Variants in ZNF462 observed in about 807,000 individuals in gnomAD.
ZNF462 encodes the protein zinc finger protein 462.
Under a neutral mutation model 201.9 loss-of-function variants are expected in ZNF462, and 10 were observed. The observed-to-expected ratio is 0.05, with a 90% CI of 0.03 to 0.08. The LOEUF is 0.08. ZNF462 is among the 10% of genes least tolerant of loss of function. The pLI is 1.00. For missense variants in ZNF462, 2,523 were observed against 3,168.3 expected (o/e 0.80, Z 4.89); for synonymous variants, 1,227 against 1,193.3 (o/e 1.03, Z -0.58).
At position 106,972,973 on chromosome 9, in the gene ZNF462, C is replaced by T. The variant is rs373283483; in HGVS notation, c.6695+701C>T. Among the ~76,000 whole-genome samples, 59 of 152,134 alleles carry T rather than the reference C, an allele frequency of 3.9e-4. No individual in the cohort carries two copies. In the East Asian group the frequency reaches 4.9e-3, roughly 13 times the overall value. ...AGTGTAGAGTGTGGAGCCTGACTAC[C>T]TGGGTGATTCTGGACAAGTCACTAA... On this transcript the variant is annotated intron_variant, in intron 8 of 12. Transcript: ENST00000277225. This position sits in a 1 kb window ranked among gnomAD's most constrained non-coding sequence, Gnocchi z 4.8.
chr9:106,869,438 G>A (rs1827491592), intron 1 of ZNF462, among the ~76,000 whole-genome samples: 1 of 152,202 alleles, frequency 6.6e-6, no homozygotes, highest in South Asian at 2.1e-4. Context: ...GTAAGGAAGG[G>A]TGCAATGGGT....
intron 10 of ZNF462, among the ~76,000 whole-genome samples, chr9:106,991,151 G>A (rs533739987): frequency 7.2e-4 from 109 of 151,980 alleles, no homozygotes; most frequent in Middle Eastern, 3.4e-3. Flanking sequence ...TTTTTATAGG[G>A]AGAAAATCCG....
rs1388998175 is a variant in ZNF462, at chr9:106,919,167, A to G, written c.-30-4187A>G. Among the ~76,000 whole-genome samples the G allele has an allele frequency of 2.0e-5, 3 of 152,204 alleles. No homozygotes were observed. The highest frequency in any genetic ancestry group is 7.2e-5 in the African/African-American group (3 of 41,452). On this transcript the variant is annotated intron_variant, in intron 1 of 12. Transcript: ENST00000277225. This position sits in a 1 kb window ranked among gnomAD's most constrained non-coding sequence, Gnocchi z 4.5. ...TGATCACTTCCTGAAGAGAGCTGGG[A>G]TTTTGACTTGAGGACCACATTTATG...
In ZNF462 at chr9:106,926,046, C is replaced by G; in HGVS notation, c.2134C>G (p.Gln712Glu). 2 of 1,614,170 alleles carry G rather than the reference C, an allele frequency of 1.2e-6. No individual in the cohort carries two copies. The highest frequency in any genetic ancestry group is 1.7e-6 in the Non-Finnish European group (2 of 1,180,038). Residue 712 changes from glutamine (Q) to glutamate (E), a missense_variant, in exon 3 of 13, where the codon CAG (glutamine) becomes GAG (glutamate). Physicochemically the swap from Gln to Glu is conservative, Grantham distance 29 (BLOSUM62 2). Transcript: ENST00000277225. The surrounding 1 kb of genome is among the most constrained non-coding windows in gnomAD (Gnocchi z 7.9). Reference protein sequence around the residue: ...NLQSKINQTKQQEDAVINVED... With the variant: ...NLQSKINQTKEQEDAVINVED... ...TCAGAGCAAAATTAACCAAACCAAA[C>G]AGCAGGAAGATGCAGTGATCAATGT...
At position 106,938,612 on chromosome 9, in the gene ZNF462, G is replaced by A. The variant is rs966315131; in HGVS notation, c.6236-304G>A. 6.6e-5 allele frequency among the ~76,000 whole-genome samples: 10 copies of A among 152,122 alleles called. No individual in the cohort carries two copies. Among genetic ancestry groups the A allele is most frequent in the African/African-American group, 2.4e-4 (10 of 41,408 alleles). The stretch of plus-strand genomic sequence containing the variant: ...AGGGATTGGAAATTTTTCTAAAGGA[G>A]GTATCATGGGCAGTTGGGTTTGACT... On this transcript the variant is annotated intron_variant, in intron 6 of 12. Coordinates refer to ENST00000277225, the MANE Select transcript of ZNF462 (RefSeq NM_021224.6). The surrounding 1 kb of genome is among the most constrained non-coding windows in gnomAD (Gnocchi z 4.4).
intron 1 of ZNF462, among the ~76,000 whole-genome samples, chr9:106,908,910 C>CATATATACATAT (rs1458619122): frequency 1.4e-4 from 6 of 43,988 alleles, no homozygotes; most frequent in African/African-American, 6.6e-4. Flanking sequence ...CCCATATATA[C>CATATATACATAT]ATATATATAT....
intron 1 of ZNF462, 59 bp downstream of exon 1, chr9:106,863,414 C>A (rs1167408805): frequency 1.3e-5 from 5 of 390,498 alleles, no homozygotes; most frequent in Non-Finnish European, 2.3e-5. Flanking sequence ...GGGAAGAGAG[C>A]GCGGGGTGGT....
In ZNF462 at chr9:106,872,714, C is replaced by T. The variant is rs1019615355; in HGVS notation, c.-31+9359C>T. ...ATCGGAGTTCAGTTGCAAGAACTTC[C>T]CCCCTTTCTGCTGTCAATTGAATAT... On this transcript the variant is annotated intron_variant, in intron 1 of 12. Coordinates refer to ENST00000277225, the MANE Select transcript of ZNF462 (RefSeq NM_021224.6). The surrounding 1 kb of genome is among the most constrained non-coding windows in gnomAD (Gnocchi z 4.5). Among the ~76,000 whole-genome samples the T allele has an allele frequency of 6.6e-6, 1 of 152,096 alleles. No individual in the cohort carries two copies.
chr9:106,898,569 C>T (rs1451422552), intron 1 of ZNF462, among the ~76,000 whole-genome samples: 1 of 152,112 alleles, frequency 6.6e-6, no homozygotes. Flanking sequence ...AGGACAGCCT[C>T]TCACAATAAT....
rs1320524541 is a variant in ZNF462 at position 106,927,389 on chromosome 9, G to A, written c.3477G>A (p.Gly1159=). 1.2e-6 allele frequency: 2 copies of A among 1,613,898 alleles called. No individual in the cohort carries two copies. Among genetic ancestry groups the A allele is most frequent in the Admixed American group, 3.3e-5 (2 of 59,982 alleles). Residue 1159 remains glycine, a synonymous_variant, in exon 3 of 13, where the codon GGG becomes GGA. Coordinates refer to ENST00000277225, the MANE Select transcript of ZNF462 (RefSeq NM_021224.6). The part of the protein sequence containing the change: ...QAPPTAAMMR[G]VEGPQGSPRP... ...CTCCCACAGCTGCAATGATGAGAGG[G>A]GTCGAAGGGCCCCAAGGCTCCCCCC...
intron 1 of ZNF462, among the ~76,000 whole-genome samples, chr9:106,900,475 C>T (rs1394835928): frequency 3.3e-5 from 5 of 152,276 alleles, no homozygotes; most frequent in East Asian, 1.9e-4. Context: ...CACTGTTTTC[C>T]ACAGTGGTTG....
chr9:106,962,383 T>C lies in ZNF462; in HGVS notation c.6428-9622T>C, dbSNP rs1831882245. Among the ~76,000 whole-genome samples, 1 of 151,954 alleles carries C rather than the reference T, an allele frequency of 6.6e-6. No homozygotes were observed. The highest frequency in any genetic ancestry group is 1.5e-5 in the Non-Finnish European group (1 of 67,960). ...GAATGGTGATGTCATTGACAAAAAATATAGAAAGACAAATGAATATGTTCC... is the reference window on the plus strand; with the variant it reads ...GAATGGTGATGTCATTGACAAAAAACATAGAAAGACAAATGAATATGTTCC... On this transcript the variant is annotated intron_variant, in intron 7 of 12. Coordinates refer to ENST00000277225, the MANE Select transcript of ZNF462 (RefSeq NM_021224.6). This position sits in a 1 kb window ranked among gnomAD's most constrained non-coding sequence, Gnocchi z 4.6.
intron 7 of ZNF462, among the ~76,000 whole-genome samples, chr9:106,943,199 G>A (rs894452943): frequency 2.6e-5 from 4 of 151,966 alleles, no homozygotes; most frequent in Non-Finnish European, 4.4e-5. Flanking sequence ...CAAAAGAGAA[G>A]TCTGTGATAT....
chr9:106,887,900 T>C (rs545136202), intron 1 of ZNF462, among the ~76,000 whole-genome samples: 52 of 152,350 alleles, frequency 3.4e-4, no homozygotes, highest in African/African-American at 1.1e-3. Context: ...AGTGTAATTT[T>C]GGAACCCTTT....
At position 106,929,258 on chromosome 9, in the gene ZNF462, C is replaced by A. The variant is rs376882323; in HGVS notation, c.5346C>A (p.Ile1782=). ...CSFQSFSKKG[I]VSHYMKRHPG... ...TCCAGTCGTTCAGCAAGAAGGGCATCGTGTCCCATTACATGAAACGCCACC... is the reference window on the plus strand; with the variant it reads ...TCCAGTCGTTCAGCAAGAAGGGCATAGTGTCCCATTACATGAAACGCCACC... The change falls in exon 3 of 13, where the codon ATC becomes ATA. Residue 1782 remains isoleucine (I), a synonymous_variant. Transcript: ENST00000277225. This position sits in a 1 kb window ranked among gnomAD's most constrained non-coding sequence, Gnocchi z 8.7. The A allele has an allele frequency of 6.2e-6, 10 of 1,614,014 alleles. No homozygotes were observed. The highest frequency in any genetic ancestry group is 1.1e-5 in the South Asian group (1 of 91,088).
chr9:106,925,180 A>G lies in ZNF462; in HGVS notation c.1268A>G (p.Lys423Arg). The change falls in exon 3 of 13, where the codon AAA (lysine) becomes AGA (arginine). Residue 423 changes from lysine (K) to arginine (R), a missense_variant. Lys to Arg is a conservative substitution (Grantham distance 26, BLOSUM62 2). This residue lies in a region of ZNF462 where 480 missense variants were observed against 544.4 expected (regional missense o/e 0.88). Transcript: ENST00000277225. The surrounding 1 kb of genome is among the most constrained non-coding windows in gnomAD (Gnocchi z 7.9). ...CAGCTGATGGGCTCAGATGGCAACA[A>G]ATTATTGGAGACCAAGGGGATTCCA... The part of the protein sequence containing the change: ...AEQLMGSDGN[K>R]LLETKGIPFR... 1 of 1,614,162 alleles carries G rather than the reference A, an allele frequency of 6.2e-7. No homozygotes were observed. Among genetic ancestry groups the G allele is most frequent in the Non-Finnish European group, 8.5e-7 (1 of 1,180,036 alleles).
At chr9:106,909,787 G>A (rs1829466379) in intron 1 of ZNF462, among the ~76,000 whole-genome samples, 1 of 152,102 alleles carries the variant, frequency 6.6e-6, no homozygotes, top group Admixed American at 6.5e-5. Context: ...AGGATTCAAT[G>A]TTTAGCCTTG....
chr9:106,932,422 G>A lies in ZNF462; in HGVS notation c.6013-24G>A. 1 of 1,614,200 alleles carries A rather than the reference G, an allele frequency of 6.2e-7. No homozygotes were observed. The highest frequency in any genetic ancestry group is 8.5e-7 in the Non-Finnish European group (1 of 1,180,034). On this transcript the variant is annotated intron_variant, in intron 4 of 12. Transcript: ENST00000277225. The surrounding 1 kb of genome is among the most constrained non-coding windows in gnomAD (Gnocchi z 6.8). ...GGGGGGATACCATTGCAGTCAATGT[G>A]ACAGAGTCCTGATGTCCATGCAGGG...
intron 4 of ZNF462, among the ~76,000 whole-genome samples, chr9:106,931,281 C>G (rs1830412391): frequency 6.6e-6 from 1 of 152,180 alleles, no homozygotes; most frequent in Non-Finnish European, 1.5e-5. Flanking sequence ...TTCCCTCTGA[C>G]TTTTATTAGG....
Sources: allele counts gnomAD v4.1 joint callset (sites outside exome capture counted in the v4.1 genomes callset), GRCh38; gene constraint gnomAD v4.1.1; regional missense constraint gnomAD v4.1.1; non-coding constraint Gnocchi (gnomAD v3.1); transcripts MANE v1.5; gene names NCBI Gene and HGNC (gene_info 2026-07-23, HGNC 2026-07-21).